AFG2A: variants seen among roughly 807,000 people sequenced by gnomAD.
AFG2A encodes AAA ATPase AFG2A, also known as ATPase family gene 2 protein homolog A.
At chr4:123,167,572 C>T in the AFG2A span, among the ~76,000 whole-genome samples, 1 of 152,156 alleles carries the variant, frequency 6.6e-6, no homozygotes, top group Non-Finnish European at 1.5e-5. Context: ...TGGTCTCGCT[C>T]TCCTGACCTC....
chr4:123,129,458 T>G, the AFG2A span, among the ~76,000 whole-genome samples: 1,135 of 152,272 alleles, frequency 7.5e-3, 6 homozygotes, highest in Middle Eastern at 0.045. Flanking sequence ...ATATTCTCTA[T>G]TTTGAGGGGC....
the AFG2A span, among the ~76,000 whole-genome samples, chr4:123,229,901 A>C: frequency 2.0e-5 from 3 of 151,952 alleles, no homozygotes; most frequent in South Asian, 6.2e-4. Context: ...GTTCCAGATC[A>C]GCAAAATAAA....
chr4:123,132,774 T>C, the AFG2A span, among the ~76,000 whole-genome samples: 1 of 148,916 alleles, frequency 6.7e-6, no homozygotes, highest in Non-Finnish European at 1.5e-5. Flanking sequence ...CATAATGATT[T>C]CAATCCTTTT....
chr4:122,950,435 G>A, the AFG2A span, among the ~76,000 whole-genome samples: 7 of 151,880 alleles, frequency 4.6e-5, no homozygotes, highest in Non-Finnish European at 1.0e-4. Context: ...CGCCTCCTGA[G>A]TTCAAGCAAT....
chr4:123,202,737 G>A, the AFG2A span, among the ~76,000 whole-genome samples: 1 of 152,168 alleles, frequency 6.6e-6, no homozygotes, highest in Non-Finnish European at 1.5e-5. Flanking sequence ...TCAAGGTAGA[G>A]CATTATATAT....
chr4:123,030,949 T>A, the AFG2A span, among the ~76,000 whole-genome samples: 2 of 152,206 alleles, frequency 1.3e-5, no homozygotes, highest in Non-Finnish European at 2.9e-5. Context: ...ATACTCAACA[T>A]GTACTATTCG....
At chr4:122,942,718 T>C in the AFG2A span, among the ~76,000 whole-genome samples, 2 of 152,016 alleles carry the variant, frequency 1.3e-5, no homozygotes, top group Non-Finnish European at 2.9e-5. Context: ...TTCTTTTAAT[T>C]GTGTTGTTAG....
the AFG2A span, among the ~76,000 whole-genome samples, chr4:123,047,617 A>G: frequency 6.6e-6 from 1 of 151,564 alleles, no homozygotes; most frequent in Non-Finnish European, 1.5e-5. Context: ...GGTCTTGCCC[A>G]GACCACTGTT....
the AFG2A span, among the ~76,000 whole-genome samples, chr4:123,010,594 C>T: frequency 6.6e-6 from 1 of 152,200 alleles, no homozygotes; most frequent in African/African-American, 2.4e-5. Flanking sequence ...ACCAACTCTA[C>T]TTATAGCAGC....
At chr4:123,312,735 C>T in the AFG2A span, among the ~76,000 whole-genome samples, 1 of 152,160 alleles carries the variant, frequency 6.6e-6, no homozygotes, top group South Asian at 2.1e-4. Flanking sequence ...CAGTTAACTT[C>T]GGCGCTCATT....
At chr4:123,025,584 A>G in the AFG2A span, among the ~76,000 whole-genome samples, 2 of 151,936 alleles carry the variant, frequency 1.3e-5, no homozygotes, top group African/African-American at 4.8e-5. Context: ...TGAAAGTTGT[A>G]TGGGTTTTTT....
the AFG2A span, among the ~76,000 whole-genome samples, chr4:123,261,229 C>G: frequency 1.3e-5 from 2 of 152,154 alleles, no homozygotes; most frequent in South Asian, 4.1e-4. Flanking sequence ...GCTGCTATCA[C>G]CAAGTAGTCT....
chr4:123,240,117 A>T, the AFG2A span, among the ~76,000 whole-genome samples: 2 of 152,226 alleles, frequency 1.3e-5, no homozygotes, highest in Non-Finnish European at 2.9e-5. Context: ...CAATTCAACA[A>T]GAAGAGCTAA....
the AFG2A span, among the ~76,000 whole-genome samples, chr4:123,132,487 T>TTGTGTG: frequency 2.0e-5 from 3 of 149,146 alleles, no homozygotes; most frequent in African/African-American, 7.4e-5. Flanking sequence ...TGAATTATAT[T>TTGTGTG]TGTGTGTGTG....
chr4:123,210,366 C>T, the AFG2A span, among the ~76,000 whole-genome samples: 5 of 152,170 alleles, frequency 3.3e-5, no homozygotes, highest in Non-Finnish European at 7.4e-5. Context: ...ACTACCTAAT[C>T]TCTCTGCTAA....
the AFG2A span, among the ~76,000 whole-genome samples, chr4:123,015,083 T>G: frequency 6.6e-6 from 1 of 152,238 alleles, no homozygotes; most frequent in African/African-American, 2.4e-5. Context: ...ACTCACCCTG[T>G]GCATAGCACT....
the AFG2A span, among the ~76,000 whole-genome samples, chr4:123,242,243 G>T: frequency 2.0e-5 from 3 of 152,122 alleles, no homozygotes; most frequent in African/African-American, 7.2e-5. Context: ...TTTCTTCACA[G>T]AATTGGAAAA....
At chr4:123,023,770 C>T in the AFG2A span, among the ~76,000 whole-genome samples, 1 of 151,958 alleles carries the variant, frequency 6.6e-6, no homozygotes, top group Non-Finnish European at 1.5e-5. Context: ...GCCGGTTAGG[C>T]TACAGCTTCA....
the AFG2A span, among the ~76,000 whole-genome samples, chr4:123,262,840 G>C: frequency 6.6e-6 from 1 of 152,184 alleles, no homozygotes; most frequent in African/African-American, 2.4e-5. Flanking sequence ...CTGATGTGCA[G>C]AATGCTATAG....
Sources: gnomAD v4.1 joint callset for allele counts (sites outside exome capture counted in the v4.1 genomes callset) on GRCh38, gnomAD v4.1.1 for gene constraint, MANE v1.5 for transcripts, NCBI Gene and HGNC (gene_info 2026-07-23, HGNC 2026-07-21) for gene names.